CA6: variants seen among roughly 807,000 people sequenced by gnomAD.
CA6 encodes the protein carbonic anhydrase 6, also known as carbonate dehydratase VI.
CA6 carries 28 observed loss-of-function variants against 35.9 expected under a neutral mutation model. The observed-to-expected ratio is 0.78, with a 90% CI of 0.58 to 1.07. CA6 has a LOEUF of 1.07. Among genes scored for constraint, CA6 ranks in the 50% least tolerant of loss-of-function variants. The pLI is 0.00. For synonymous variants in CA6, 148 were observed against 152.6 expected (o/e 0.97, Z 0.22); for missense variants, 377 against 382.0 (o/e 0.99, Z 0.11).
At chr1:8,947,292 C>T (rs1639391183) in intron 1 of CA6, among the ~76,000 whole-genome samples, 1 of 152,000 alleles carries the variant, frequency 6.6e-6, no homozygotes, top group Non-Finnish European at 1.5e-5. Flanking sequence ...TGGATTGGGG[C>T]CCATGAGGAG....
chr1:8,972,095 T>A (rs1173625462), intron 7 of CA6, among the ~76,000 whole-genome samples: 1 of 152,134 alleles, frequency 6.6e-6, no homozygotes, highest in Non-Finnish European at 1.5e-5. Flanking sequence ...TTGCCCAGGC[T>A]GGAGCTCAGT....
At chr1:8,956,276 G>A (rs1369241876) in intron 2 of CA6, among the ~76,000 whole-genome samples, 7 of 151,296 alleles carry the variant, frequency 4.6e-5, no homozygotes, top group Admixed American at 2.0e-4. Flanking sequence ...CCTTTCCAAC[G>A]CCGAAATTAT....
Position 8,970,966 on chromosome 1 carries a change from A to C in CA6, c.829A>C (p.Asn277His). The C allele has an allele frequency of 6.2e-7, 1 of 1,611,754 alleles. No homozygotes were observed. Among genetic ancestry groups the C allele is most frequent in the Non-Finnish European group, 8.5e-7 (1 of 1,177,916 alleles). Residue 277 changes from asparagine to histidine, a missense_variant, in exon 7 of 8, where the codon AAC (asparagine) becomes CAC (histidine). Asn to His is a moderately conservative substitution (Grantham distance 68). Transcript: ENST00000377443. Reference sequence around the variant, plus strand: ...CCTGAACCACAGAGTGGTGGAATCCAACTTCCCGAATCAGGGTGAGTGAGA... The same window carrying C: ...CCTGAACCACAGAGTGGTGGAATCCCACTTCCCGAATCAGGGTGAGTGAGA... ...QPLNHRVVES[N>H]FPNQEYTLGS... is the part of the protein sequence containing the mutation.
At chr1:8,953,944 C>T (rs1258404843) in intron 2 of CA6, among the ~76,000 whole-genome samples, 3 of 152,158 alleles carry the variant, frequency 2.0e-5, no homozygotes, top group Non-Finnish European at 4.4e-5. Flanking sequence ...AAGATGGCCA[C>T]GAGAGTGACC....
chr1:8,948,203 G>A (rs571875292), intron 1 of CA6, among the ~76,000 whole-genome samples: 1 of 152,174 alleles, frequency 6.6e-6, no homozygotes, highest in South Asian at 2.1e-4. Flanking sequence ...CCCCCGAACA[G>A]GGAACAGAGG....
At chr1:8,971,073 G>T in intron 7 of CA6, 92 bp downstream of exon 7, 1 of 867,904 alleles carries the variant, frequency 1.2e-6, no homozygotes, top group Non-Finnish European at 1.9e-6. Flanking sequence ...GTGATATAAG[G>T]GAAGGAGAGT....
At chr1:8,961,172 G>A (rs1639834577) in intron 4 of CA6, among the ~76,000 whole-genome samples, 3 of 152,088 alleles carry the variant, frequency 2.0e-5, no homozygotes, top group Non-Finnish European at 2.9e-5. Flanking sequence ...ATTGCTAGCC[G>A]GTCTATCTTA....
chr1:8,967,938 G>T, intron 6 of CA6, 122 bp downstream of exon 6: 2 of 805,306 alleles, frequency 2.5e-6, no homozygotes, highest in Non-Finnish European at 3.8e-6. Flanking sequence ...CTGTGTGCAG[G>T]GCTACTGTGC....
Position 8,953,559 on chromosome 1 carries a change from C to T in CA6, c.260-3578C>T, listed in dbSNP as rs534881101. Among the ~76,000 whole-genome samples the T allele has an allele frequency of 4.6e-5, 7 of 152,266 alleles. No individual in the cohort carries two copies. The South Asian group carries it at 1.5e-3, about 32-fold the overall frequency. On this transcript the variant is annotated intron_variant, in intron 2 of 7. Transcript: ENST00000377443. ...ACTTGAGCAGCTTGGGAGGTCAAGG[C>T]TGCAGTGAGCTATGATTGCACCACT...
At chr1:8,959,981 C>T (rs1239771028) in intron 4 of CA6, among the ~76,000 whole-genome samples, 2 of 146,506 alleles carry the variant, frequency 1.4e-5, no homozygotes, top group Admixed American at 1.3e-4. Flanking sequence ...CCTGTAATCC[C>T]AGCACTTTGG....
At chr1:8,974,357 C>CG in intron 7 of CA6, 2 of 1,519,760 alleles carry the variant, frequency 1.3e-6, no homozygotes, top group Non-Finnish European at 1.7e-6. Flanking sequence ...GCAAGGGCCA[C>CG]GGGGGGCATC....
intron 7 of CA6, chr1:8,974,328 A>G: frequency 7.0e-7 from 1 of 1,428,706 alleles, no homozygotes; most frequent in Non-Finnish European, 9.2e-7. Flanking sequence ...TTTACTAGAA[A>G]ACGCCTATAT....
intron 7 of CA6, 70 bp from the exon 8 acceptor site, chr1:8,974,552 G>A (rs966461851): frequency 1.7e-5 from 24 of 1,412,772 alleles, no homozygotes; most frequent in South Asian, 2.5e-5. Context: ...GTGTCTGGCC[G>A]TCCCCCTTCT....
At chr1:8,954,992 C>T (rs1259097741) in intron 2 of CA6, among the ~76,000 whole-genome samples, 1 of 151,900 alleles carries the variant, frequency 6.6e-6, no homozygotes, top group Non-Finnish European at 1.5e-5. Context: ...AAATGAACTC[C>T]CAATTTCTCT....
intron 7 of CA6, among the ~76,000 whole-genome samples, chr1:8,972,664 CAGAG>C (rs915266500): frequency 5.3e-5 from 8 of 152,028 alleles, no homozygotes; most frequent in Admixed American, 3.3e-4. Flanking sequence ...GCCTGGGCGA[CAGAG>C]AGAGACTCTG....
At chr1:8,958,874 G>T in intron 3 of CA6, 36 bp from the exon 4 acceptor site, 2 of 1,131,916 alleles carry the variant, frequency 1.8e-6, no homozygotes, top group South Asian at 2.6e-5. Flanking sequence ...GAATTTCTAT[G>T]AACTGCCCTT....
intron 5 of CA6, among the ~76,000 whole-genome samples, chr1:8,965,330 A>T (rs527799640): frequency 8.5e-5 from 13 of 152,138 alleles, no homozygotes; most frequent in Non-Finnish European, 1.3e-4. Flanking sequence ...AGTATGATGC[A>T]ACCATCACCC....
At chr1:8,951,773 C>A (rs540639296) in intron 2 of CA6, 7 of 681,856 alleles carry the variant, frequency 1.0e-5, no homozygotes, top group South Asian at 8.3e-5. Flanking sequence ...GACAGCATGT[C>A]GGACATTAGA....
At chr1:8,968,192 C>A (rs890994476) in intron 6 of CA6, among the ~76,000 whole-genome samples, 4 of 151,994 alleles carry the variant, frequency 2.6e-5, no homozygotes, top group African/African-American at 9.7e-5. Flanking sequence ...TCTCAAACTC[C>A]CAGGTTCAAG....
Sources: gnomAD v4.1 joint callset for allele counts (sites outside exome capture counted in the v4.1 genomes callset) on GRCh38, gnomAD v4.1.1 for gene constraint, MANE v1.5 for transcripts, NCBI Gene and HGNC (gene_info 2026-07-23, HGNC 2026-07-21) for gene names.